NAA35: variants seen among roughly 807,000 people sequenced by gnomAD.
The protein encoded by NAA35 is N-alpha-acetyltransferase 35, NatC auxiliary subunit.
Under a neutral mutation model 101.7 loss-of-function variants are expected in NAA35, and 18 were observed. That is an observed-to-expected ratio of 0.18 (90% CI 0.12 to 0.26). The LOEUF (loss-of-function observed/expected upper bound fraction) is 0.26. NAA35 is among the 10% of genes least tolerant of loss of function. The pLI, the probability that NAA35 is intolerant of heterozygous loss-of-function variation, is 1.00. For synonymous variants in NAA35, 267 were observed against 273.1 expected, an observed-to-expected ratio of 0.98 and a Z score of 0.22; for missense variants, 601 against 886.8, an observed-to-expected ratio of 0.68 and a Z score of 4.09.
At chr9:86,011,358 A>G (rs1831911093) in intron 15 of NAA35, among the ~76,000 whole-genome samples, 1 of 151,670 alleles carries the variant, frequency 6.6e-6, no homozygotes, top group South Asian at 2.1e-4. Flanking sequence ...AATTTTTTAA[A>G]ATATTTATTT....
chr9:86,007,517 C>A, intron 14 of NAA35, 53 bp downstream of exon 14: 3 of 1,355,752 alleles, frequency 2.2e-6, no homozygotes, highest in South Asian at 1.2e-5. Flanking sequence ...TTTAAAAGCC[C>A]AACTTCTCTG....
chr9:85,987,839 T>G (rs952710985), intron 11 of NAA35, among the ~76,000 whole-genome samples: 1 of 152,208 alleles, frequency 6.6e-6, no homozygotes, highest in African/African-American at 2.4e-5. Flanking sequence ...CAAAGGACAG[T>G]GTTCTCACAA....
chr9:85,979,927 T>TC (rs1272517323), intron 11 of NAA35, among the ~76,000 whole-genome samples: 1 of 152,170 alleles, frequency 6.6e-6, no homozygotes, highest in Non-Finnish European at 1.5e-5. Flanking sequence ...GACGGCTCAG[T>TC]CCCCAAGACT....
At chr9:86,005,300 A>C (rs1831585297) in intron 13 of NAA35, among the ~76,000 whole-genome samples, 1 of 152,234 alleles carries the variant, frequency 6.6e-6, no homozygotes, top group Admixed American at 6.5e-5. Flanking sequence ...TCATGATTTG[A>C]AACTCTTAGC....
At chr9:85,951,137 CAA>C (rs563456145) in intron 2 of NAA35, among the ~76,000 whole-genome samples, 10 of 86,018 alleles carry the variant, frequency 1.2e-4, no homozygotes, top group African/African-American at 8.3e-5. Flanking sequence ...GACTCCATCT[CAA>C]AAAAAAAAAA....
At chr9:86,005,613 T>G (rs892936599) in intron 13 of NAA35, among the ~76,000 whole-genome samples, 2 of 152,204 alleles carry the variant, frequency 1.3e-5, no homozygotes, top group South Asian at 2.1e-4. Flanking sequence ...TAGAACTGAT[T>G]AGTGAATTTA....
At chr9:85,976,779 C>G in intron 9 of NAA35, 44 bp downstream of exon 9, 1 of 1,415,746 alleles carries the variant, frequency 7.1e-7, no homozygotes, top group Non-Finnish European at 9.8e-7. Context: ...GAGAAGTCTA[C>G]CTGTTAATGT....
intron 18 of NAA35, 67 bp from the exon 19 acceptor site, chr9:86,017,431 T>C (rs1174857864): frequency 7.0e-7 from 1 of 1,421,432 alleles, no homozygotes; most frequent in African/African-American, 1.4e-5. Context: ...TTAGATTTTC[T>C]TTTGCAGTAA....
chr9:86,007,893 A>T (rs1213136929), intron 14 of NAA35, among the ~76,000 whole-genome samples: 1 of 152,088 alleles, frequency 6.6e-6, no homozygotes, highest in Non-Finnish European at 1.5e-5. Flanking sequence ...AAAAAGATAC[A>T]CCTAACAGTG....
intron 17 of NAA35, among the ~76,000 whole-genome samples, chr9:86,014,926 G>A (rs1456971873): frequency 2.0e-5 from 3 of 152,054 alleles, no homozygotes; most frequent in Non-Finnish European, 4.4e-5. Flanking sequence ...GACAATTCTG[G>A]TTTTGTTTTC....
At chr9:85,950,008 GT>G (rs1282521999) in intron 2 of NAA35, among the ~76,000 whole-genome samples, 1 of 152,082 alleles carries the variant, frequency 6.6e-6, no homozygotes, top group Non-Finnish European at 1.5e-5. Flanking sequence ...TACATGATGT[GT>G]GATGATGTCA....
At chr9:85,957,065 C>G (rs966154345) in intron 3 of NAA35, among the ~76,000 whole-genome samples, 1 of 152,084 alleles carries the variant, frequency 6.6e-6, no homozygotes, top group Non-Finnish European at 1.5e-5. Context: ...ATTGGGGTGC[C>G]GACCCACCCC....
chr9:85,978,457 AG>A, intron 11 of NAA35, 76 bp downstream of exon 11: 1 of 954,978 alleles, frequency 1.0e-6, no homozygotes, highest in African/African-American at 1.6e-5. Flanking sequence ...CTTGTACTAA[AG>A]TTTTTTCAAG....
At chr9:85,973,220 C>T (rs887298794) in intron 6 of NAA35, among the ~76,000 whole-genome samples, 23 of 152,030 alleles carry the variant, frequency 1.5e-4, no homozygotes, top group East Asian at 9.6e-4. Flanking sequence ...ATAAAGTTGG[C>T]GAGGGAGACC....
intron 15 of NAA35, 87 bp from the exon 16 acceptor site, chr9:86,012,959 A>T: frequency 1.1e-6 from 1 of 880,164 alleles, no homozygotes; most frequent in Non-Finnish European, 1.6e-6. Flanking sequence ...TTTTTCCCTT[A>T]AACCAGATTG....
At position 86,023,339 on chromosome 9, in the gene NAA35, T is replaced by C. The variant is rs575901895; in HGVS notation, c.*1379T>C. 6.6e-6 allele frequency among the ~76,000 whole-genome samples: 1 copy of C among 152,208 alleles called. No individual in the cohort carries two copies. The highest frequency in any genetic ancestry group is 1.5e-5 in the Non-Finnish European group (1 of 68,000). On this transcript the variant is annotated 3_prime_UTR_variant, in exon 23 of 23. Coordinates refer to ENST00000361671, the MANE Select transcript of NAA35 (RefSeq NM_024635.4). The stretch of plus-strand genomic sequence containing the variant: ...ACTGATGTAGTTACTTTGTTGAGAA[T>C]GAAAACTGTTTCTGGCTGGTAATTA...
At chr9:86,008,300 G>A (rs907297235) in intron 14 of NAA35, among the ~76,000 whole-genome samples, 1 of 152,154 alleles carries the variant, frequency 6.6e-6, no homozygotes. Context: ...GACCTCAAGT[G>A]ATCTGCCCAC....
chr9:85,960,598 A>G (rs1829472927), intron 5 of NAA35, among the ~76,000 whole-genome samples: 5 of 152,188 alleles, frequency 3.3e-5, no homozygotes, highest in African/African-American at 1.2e-4. Flanking sequence ...GGGCCTAGCC[A>G]GAATCTTAAT....
chr9:85,981,443 T>TA (rs1830435180), intron 11 of NAA35, among the ~76,000 whole-genome samples: 1 of 152,228 alleles, frequency 6.6e-6, no homozygotes, highest in South Asian at 2.1e-4. Flanking sequence ...CATGTCTGAC[T>TA]ACTCCTGGGC....
Sources: allele counts gnomAD v4.1 joint callset (sites outside exome capture counted in the v4.1 genomes callset), GRCh38; gene constraint gnomAD v4.1.1; transcripts MANE v1.5; gene names NCBI Gene and HGNC (gene_info 2026-07-23, HGNC 2026-07-21).